Variants in PRKG1 observed in about 807,000 individuals in gnomAD.
PRKG1 encodes the protein cGMP-dependent protein kinase 1.
A neutral mutation model predicts 88.1 loss-of-function variants in PRKG1; 35 were observed. The observed-to-expected ratio is 0.40, with a 90% CI of 0.30 to 0.53. The LOEUF is 0.53. Among genes scored for constraint, PRKG1 ranks in the 20% least tolerant of loss-of-function variants. The pLI, the probability that PRKG1 is intolerant of heterozygous loss-of-function variation, is 0.59. For missense variants in PRKG1, 540 were observed against 839.8 expected, an observed-to-expected ratio of 0.64 and a Z score of 4.41; for synonymous variants, 303 against 292.5, an observed-to-expected ratio of 1.04 and a Z score of -0.37.
chr10:51,529,910 G>C (rs1259509155), intron 3 of PRKG1, among the ~76,000 whole-genome samples: 1 of 152,164 alleles, frequency 6.6e-6, no homozygotes, highest in Non-Finnish European at 1.5e-5. Context: ...TATGAAACAA[G>C]TCTTTATTGA....
chr10:52,064,308 G>C (rs765369374), intron 7 of PRKG1, among the ~76,000 whole-genome samples: 1 of 152,204 alleles, frequency 6.6e-6, no homozygotes, highest in Non-Finnish European at 1.5e-5. Flanking sequence ...ACACCTGGCC[G>C]GACTGTGACA....
At chr10:52,053,503 T>C (rs1374975669) in intron 5 of PRKG1, among the ~76,000 whole-genome samples, 1 of 152,208 alleles carries the variant, frequency 6.6e-6, no homozygotes. Flanking sequence ...TGCAAAATAA[T>C]GTTTTATTTC....
chr10:51,298,345 A>G (rs1840777194), intron 2 of PRKG1, among the ~76,000 whole-genome samples: 1 of 152,164 alleles, frequency 6.6e-6, no homozygotes, highest in Non-Finnish European at 1.5e-5. Flanking sequence ...TTGTGATCTT[A>G]AAAGATTTAG....
chr10:51,734,646 C>G (rs1461295330), intron 3 of PRKG1, among the ~76,000 whole-genome samples: 10 of 152,094 alleles, frequency 6.6e-5, no homozygotes, highest in Non-Finnish European at 1.5e-4. Flanking sequence ...CTAAAGAACC[C>G]TCCAATTTTT....
intron 1 of PRKG1, among the ~76,000 whole-genome samples, chr10:51,033,767 A>G (rs983567173): frequency 2.0e-5 from 3 of 152,190 alleles, no homozygotes; most frequent in African/African-American, 7.2e-5. Context: ...GCCATTTTTA[A>G]TCTAAGCTAA....
chr10:51,242,415 A>G (rs898185450), intron 2 of PRKG1, among the ~76,000 whole-genome samples: 4 of 152,208 alleles, frequency 2.6e-5, no homozygotes, highest in Non-Finnish European at 4.4e-5. Flanking sequence ...AGGGTATAAT[A>G]CTAGTGAGAA....
Position 52,129,128 on chromosome 10 carries a change from CCT to C in PRKG1, c.936-4707_936-4706del, listed in dbSNP as rs1290639469. On this transcript the variant is annotated intron_variant, in intron 7 of 17. Coordinates refer to ENST00000373980, the MANE Select transcript of PRKG1 (RefSeq NM_006258.4). ...AGTTTTTAAAAAATAATGCTTTTCT[CCT>C]CTCTTTCCTTGTCCTGCTTCTAAAC... 2.6e-5 allele frequency among the ~76,000 whole-genome samples: 4 copies of C among 152,278 alleles called. No homozygotes were observed. The East Asian group carries it at 7.7e-4, about 29-fold the overall frequency.
intron 3 of PRKG1, among the ~76,000 whole-genome samples, chr10:51,504,568 G>A (rs1414703731): frequency 2.6e-5 from 4 of 152,092 alleles, no homozygotes; most frequent in African/African-American, 7.2e-5. Flanking sequence ...GGGCAGCATG[G>A]CCATTGTCAT....
At chr10:52,185,207 G>A (rs549593109) in intron 9 of PRKG1, 1 of 152,194 alleles carries the variant, frequency 6.6e-6, no homozygotes, top group African/African-American at 2.4e-5. Context: ...TACAATGGTG[G>A]TATAAGCATT....
At chr10:51,688,886 C>A (rs1480968081) in intron 3 of PRKG1, among the ~76,000 whole-genome samples, 3 of 152,172 alleles carry the variant, frequency 2.0e-5, no homozygotes, top group Non-Finnish European at 4.4e-5. Flanking sequence ...CATCTTGTAG[C>A]TCCCATAATT....
intron 3 of PRKG1, among the ~76,000 whole-genome samples, chr10:51,745,989 A>G (rs917820718): frequency 2.6e-5 from 4 of 152,158 alleles, no homozygotes; most frequent in African/African-American, 9.7e-5. Flanking sequence ...GACTACAGGC[A>G]CATGCCATCT....
At chr10:51,132,132 C>G (rs1845581168) in intron 1 of PRKG1, among the ~76,000 whole-genome samples, 1 of 152,080 alleles carries the variant, frequency 6.6e-6, no homozygotes, top group South Asian at 2.1e-4. Flanking sequence ...TGAGCTGAAA[C>G]TTTCTTGCAT....
chr10:52,062,223 C>G (rs921529555), intron 6 of PRKG1, among the ~76,000 whole-genome samples: 1 of 151,950 alleles, frequency 6.6e-6, no homozygotes, highest in African/African-American at 2.4e-5. Context: ...AAATGCTCAC[C>G]AAGTTCATTA....
intron 3 of PRKG1, among the ~76,000 whole-genome samples, chr10:51,739,130 G>T (rs1014604175): frequency 2.6e-5 from 4 of 152,176 alleles, no homozygotes; most frequent in African/African-American, 9.7e-5. Flanking sequence ...GTCAGTCCTG[G>T]ATCTTAGTAT....
At chr10:51,898,470 C>T (rs918799774) in intron 4 of PRKG1, among the ~76,000 whole-genome samples, 1 of 152,038 alleles carries the variant, frequency 6.6e-6, no homozygotes, top group African/African-American at 2.4e-5. Flanking sequence ...ATTTCTGGCT[C>T]ATGAGTTACT....
intron 3 of PRKG1, among the ~76,000 whole-genome samples, chr10:51,653,391 T>C (rs957355755): frequency 1.3e-5 from 2 of 152,210 alleles, no homozygotes; most frequent in Non-Finnish European, 2.9e-5. Flanking sequence ...TCTTTTTTGA[T>C]AGTAGACATT....
intron 5 of PRKG1, among the ~76,000 whole-genome samples, chr10:51,921,343 C>A (rs1268750605): frequency 5.3e-5 from 8 of 152,082 alleles, no homozygotes; most frequent in Admixed American, 1.3e-4. Context: ...CAATAACAAG[C>A]ATGTAATTTA....
chr10:51,236,463 A>G (rs1398121885), intron 2 of PRKG1, among the ~76,000 whole-genome samples: 1 of 149,988 alleles, frequency 6.7e-6, no homozygotes, highest in Non-Finnish European at 1.5e-5. Context: ...CCGAATATGC[A>G]TTTGGGCAAT....
chr10:51,716,134 C>A (rs1224458336), intron 3 of PRKG1, among the ~76,000 whole-genome samples: 2 of 152,196 alleles, frequency 1.3e-5, no homozygotes, highest in Non-Finnish European at 2.9e-5. Flanking sequence ...CTTTCTACCA[C>A]CTGCTGCTAC....
Sources: allele counts gnomAD v4.1 joint callset (sites outside exome capture counted in the v4.1 genomes callset), GRCh38; gene constraint gnomAD v4.1.1; transcripts MANE v1.5; gene names NCBI Gene and HGNC (gene_info 2026-07-23, HGNC 2026-07-21).